AURKA: variants seen among roughly 807,000 people sequenced by gnomAD.
The protein encoded by AURKA is aurora 2.
Under a neutral mutation model 40.9 loss-of-function variants are expected in AURKA, and 12 were observed. That is an observed-to-expected ratio of 0.29 (90% CI 0.19 to 0.48). AURKA has a LOEUF of 0.48. AURKA is among the 20% of genes least tolerant of loss of function. The pLI, the probability that AURKA is intolerant of heterozygous loss-of-function variation, is 0.99. For synonymous variants in AURKA, 170 were observed against 164.3 expected, an observed-to-expected ratio of 1.03 and a Z score of -0.26; for missense variants, 322 against 462.1, an observed-to-expected ratio of 0.70 and a Z score of 2.78.
At position 56,373,933 on chromosome 20, in the gene AURKA, C is replaced by A. The variant is rs1427073320; in HGVS notation, c.706-377G>T. ...CTTCAGCCTGGGTGACAGAAGGAGA[C>A]CCTGTCTCAAAAAGGAAAAGACAAA... On this transcript the variant is annotated intron_variant, in intron 6 of 8. Transcript: ENST00000395915. This position sits in a 1 kb window ranked among gnomAD's most constrained non-coding sequence, Gnocchi z 5.0. Among the ~76,000 whole-genome samples the A allele has an allele frequency of 1.3e-5, 2 of 152,022 alleles. No individual in the cohort carries two copies. Among genetic ancestry groups the A allele is most frequent in the African/African-American group, 4.8e-5 (2 of 41,390 alleles).
At position 56,381,452 on chromosome 20, in the gene AURKA, T is replaced by C; in HGVS notation, c.686A>G (p.Asp229Gly). ...ACTTACAGTAGCAGTTCTCTGCTCA[T>C]CAAACTTTGAAAGTTTCTGAAGTTC... ...YRELQKLSKF[D>G]EQRTATYITE... The change falls in exon 6 of 9, where the codon GAT becomes GGT. Residue 229 changes from aspartate to glycine, a missense_variant. Physicochemically the swap from Asp to Gly is moderately conservative, Grantham distance 94 (BLOSUM62 -1). Coordinates refer to ENST00000395915, the MANE Select transcript of AURKA (RefSeq NM_198437.3). 1 of 1,613,250 alleles carries C rather than the reference T, an allele frequency of 6.2e-7. No homozygotes were observed. The highest frequency in any genetic ancestry group is 8.5e-7 in the Non-Finnish European group (1 of 1,179,942).
chr20:56,384,398 T>A (rs1272539887), intron 3 of AURKA, 74 bp from the exon 4 acceptor site: 1 of 1,141,488 alleles, frequency 8.8e-7, no homozygotes, highest in Non-Finnish European at 1.3e-6. Flanking sequence ...TAGAGGTGAA[T>A]CAAAGAATTG....
chr20:56,385,625 C>T (rs943961612), intron 3 of AURKA, among the ~76,000 whole-genome samples: 1 of 152,100 alleles, frequency 6.6e-6, no homozygotes, highest in African/African-American at 2.4e-5. Flanking sequence ...CCACGCCTGG[C>T]TAATTTTGTA....
chr20:56,370,581 A>G lies in AURKA; in HGVS notation c.933T>C (p.Asp311=). The change falls in exon 8 of 9, where the codon GAT becomes GAC. Residue 311 remains aspartate, a synonymous_variant. Transcript: ENST00000395915. ...IEGRMHDEKV[D]LWSLGVLCYE... is the part of the protein sequence containing the mutation. ...AGCAAAGAACTCCAAGGCTCCAGAGATCCACCTTCTCATCATGCATCCGAC... is the reference window on the plus strand; with the variant it reads ...AGCAAAGAACTCCAAGGCTCCAGAGGTCCACCTTCTCATCATGCATCCGAC... 6.2e-7 allele frequency: 1 copy of G among 1,614,202 alleles called. No individual in the cohort carries two copies. Among genetic ancestry groups the G allele is most frequent in the Non-Finnish European group, 8.5e-7 (1 of 1,180,042 alleles).
Position 56,373,440 on chromosome 20 carries a change from A to G in AURKA, c.822T>C (p.Asp274=). Residue 274 remains aspartate, a synonymous_variant, in exon 7 of 9, where the codon GAT becomes GAC. Transcript: ENST00000395915. The surrounding 1 kb of genome is among the most constrained non-coding windows in gnomAD (Gnocchi z 5.0). The stretch of plus-strand genomic sequence containing the variant: ...ATGGAGCATGTACTGACCACCCAAA[A>G]TCTGCAATTTTAAGCTCTCCAGCTG... ...LGSAGELKIA[D]FGWSVHAPSS... The G allele has an allele frequency of 6.2e-7, 1 of 1,614,002 alleles. No homozygotes were observed.
At chr20:56,391,902 C>T (rs1000638371) in intron 1 of AURKA, 2 of 151,522 alleles carry the variant, frequency 1.3e-5, no homozygotes, top group Non-Finnish European at 2.9e-5. Flanking sequence ...CCCACCCACC[C>T]CTCCCGCGCA....
intron 1 of AURKA, among the ~76,000 whole-genome samples, chr20:56,389,215 C>T (rs760153400): frequency 3.9e-5 from 6 of 152,014 alleles, no homozygotes; most frequent in Non-Finnish European, 5.9e-5. Flanking sequence ...AGTCCCTGGA[C>T]CCTCCACTTC....
intron 7 of AURKA, 60 bp from the exon 8 acceptor site, chr20:56,370,719 T>A (rs1984041943): frequency 6.3e-7 from 1 of 1,581,442 alleles, no homozygotes; most frequent in Non-Finnish European, 8.7e-7. Context: ...CAACAGCTGC[T>A]AACAATCATT....
rs1348426787 is a variant in AURKA, at chr20:56,374,865, T to C, written c.706-1309A>G. ...GAGTTCGAGACCGGCCTGACCAACATGGTGAAACCCTGTCTTTACTAAAAA... is the reference window on the plus strand; with the variant it reads ...GAGTTCGAGACCGGCCTGACCAACACGGTGAAACCCTGTCTTTACTAAAAA... On this transcript the variant is annotated intron_variant, in intron 6 of 8. Transcript: ENST00000395915. Among the ~76,000 whole-genome samples, 5 of 152,174 alleles carry C rather than the reference T, an allele frequency of 3.3e-5. No individual in the cohort carries two copies. The South Asian group carries it at 1.0e-3, about 32-fold the overall frequency.
intron 6 of AURKA, among the ~76,000 whole-genome samples, chr20:56,376,681 C>T (rs1485856103): frequency 1.3e-5 from 2 of 152,130 alleles, no homozygotes; most frequent in East Asian, 1.9e-4. Flanking sequence ...CAAACTAAGA[C>T]TCTTCAACTT....
chr20:56,380,370 A>AG (rs1283201809), intron 6 of AURKA, among the ~76,000 whole-genome samples: 1 of 151,740 alleles, frequency 6.6e-6, no homozygotes, highest in Non-Finnish European at 1.5e-5. Context: ...GAAAAAAAAA[A>AG]AAAAAGAAAG....
chr20:56,388,086 G>T lies in AURKA; in HGVS notation c.42+70C>A, dbSNP rs1411468843. ...TTTAAATCCAAAGTAAAGGCGGAAA[G>T]AATTCCCGACAAGACCAACCTCCAT... is the stretch of plus-strand genomic sequence containing the variant. On this transcript the variant is annotated intron_variant, in intron 2 of 8. Transcript: ENST00000395915. The T allele has an allele frequency of 4.4e-4, 41 of 93,538 alleles. No individual in the cohort carries two copies. In the Admixed American group the frequency reaches 0.012, roughly 28 times the overall value. The allele number at this position is 93,538 out of a possible 1,614,324, so 5.8% of individuals were successfully genotyped here.
chr20:56,390,015 T>C (rs1027371677), intron 1 of AURKA, among the ~76,000 whole-genome samples: 2 of 152,122 alleles, frequency 1.3e-5, no homozygotes, highest in African/African-American at 4.8e-5. Context: ...AGGCCGGCAA[T>C]CTCATTAACA....
rs766650881 is a variant in AURKA at position 56,383,079 on chromosome 20, T to C, written c.472A>G (p.Ile158Val). 6.2e-7 allele frequency: 1 copy of C among 1,614,280 alleles called. No homozygotes were observed. The highest frequency in any genetic ancestry group is 1.1e-5 in the South Asian group (1 of 91,090). The change falls in exon 5 of 9, where the codon ATT (isoleucine) becomes GTT (valine). Residue 158 changes from isoleucine (I) to valine (V), a missense_variant. By Grantham distance (29) the Ile-to-Val change is conservative. Coordinates refer to ENST00000395915, the MANE Select transcript of AURKA (RefSeq NM_198437.3). ...YLAREKQSKF[I>V]LALKVLFKAQ... ...TTAAATAACACTTTAAGAGCCAGAA[T>C]AAACTTGCTTTGCTTTTCTCTTGCC...
chr20:56,378,844 C>T (rs1237758616), intron 6 of AURKA, among the ~76,000 whole-genome samples: 1 of 152,068 alleles, frequency 6.6e-6, no homozygotes, highest in Non-Finnish European at 1.5e-5. Flanking sequence ...GCAATAGAGA[C>T]AGTAAACAGA....
chr20:56,382,446 T>G (rs1372295016), intron 5 of AURKA, among the ~76,000 whole-genome samples: 1 of 151,858 alleles, frequency 6.6e-6, no homozygotes, highest in Non-Finnish European at 1.5e-5. Context: ...TGAAAAACAC[T>G]GAAAGAAAAA....
At chr20:56,388,297 G>A in intron 1 of AURKA, 95 bp from the exon 2 acceptor site, 2 of 1,070,640 alleles carry the variant, frequency 1.9e-6, no homozygotes, top group Non-Finnish European at 1.5e-6. Context: ...CAATCAAAAG[G>A]CCTCCACAAC....
intron 1 of AURKA, among the ~76,000 whole-genome samples, chr20:56,391,665 CA>C (rs751063678): frequency 2.2e-4 from 34 of 152,136 alleles, no homozygotes; most frequent in Non-Finnish European, 3.5e-4. Flanking sequence ...TTCATCAATT[CA>C]CCCACTCATC....
Position 56,373,419 on chromosome 20 carries a change from A to T in AURKA, c.843T>A (p.Ala281=). 6.2e-7 allele frequency: 1 copy of T among 1,613,680 alleles called. No homozygotes were observed. The highest frequency in any genetic ancestry group is 1.1e-5 in the South Asian group (1 of 91,044). The change falls in exon 7 of 9, where the codon GCT becomes GCA. Residue 281 remains alanine (A), a synonymous_variant. Transcript: ENST00000395915. This position sits in a 1 kb window ranked among gnomAD's most constrained non-coding sequence, Gnocchi z 5.0. ...KIADFGWSVH[A]PSSRRTTLCG... ...CTAAAGTTACATACCTGGAAGATGGAGCATGTACTGACCACCCAAAATCTG... is the reference window on the plus strand; with the variant it reads ...CTAAAGTTACATACCTGGAAGATGGTGCATGTACTGACCACCCAAAATCTG...
Sources: allele counts gnomAD v4.1 joint callset (sites outside exome capture counted in the v4.1 genomes callset), GRCh38; gene constraint gnomAD v4.1.1; non-coding constraint Gnocchi (gnomAD v3.1); transcripts MANE v1.5; gene names NCBI Gene and HGNC (gene_info 2026-07-23, HGNC 2026-07-21).